Variants in FRAS1 observed in about 807,000 individuals in gnomAD.
FRAS1 encodes Fraser extracellular matrix complex subunit 1.
In FRAS1, 290 loss-of-function variants were observed where a neutral mutation model predicts 435.2. That is an observed-to-expected ratio of 0.67 (90% CI 0.61 to 0.73). The LOEUF is 0.73. FRAS1 is among the 30% of genes least tolerant of loss of function. The probability of loss-of-function intolerance (pLI) is 0.00; values close to 1 mark genes in which losing one functional copy is unlikely to be tolerated. For missense variants in FRAS1, 4,860 were observed against 5,001.5 expected (o/e 0.97, Z 0.85); for synonymous variants, 1,800 against 1,851.0 (o/e 0.97, Z 0.71).
In FRAS1 at chr4:78,206,502, A is replaced by G. The variant is rs553838929; in HGVS notation, c.109-31008A>G. Among the ~76,000 whole-genome samples, 78 of 152,174 alleles carry G rather than the reference A, an allele frequency of 5.1e-4. 1 individual carries two copies. Among genetic ancestry groups the G allele is most frequent in the Non-Finnish European group, 1.0e-3 (71 of 68,044 alleles). The stretch of plus-strand genomic sequence containing the variant: ...TTTCAGCCACTGCATTTGTGGTAAT[A>G]TATTACAGCTGCCTTAGGAAACAAC... On this transcript the variant is annotated intron_variant, in intron 2 of 73. Transcript: ENST00000512123.
intron 37 of FRAS1, among the ~76,000 whole-genome samples, chr4:78,431,328 G>A (rs1310530904): frequency 1.3e-5 from 2 of 152,184 alleles, no homozygotes; most frequent in African/African-American, 4.8e-5. Context: ...GAACATAACA[G>A]TCATTGTCTA....
At chr4:78,258,825 T>C (rs1265507024) in intron 6 of FRAS1, among the ~76,000 whole-genome samples, 1 of 137,550 alleles carries the variant, frequency 7.3e-6, no homozygotes, top group Admixed American at 7.2e-5. Flanking sequence ...CATCTAGCAT[T>C]AGGTATATCT....
chr4:78,068,398 A>C lies in FRAS1; in HGVS notation c.108+2382A>C, dbSNP rs144401142. Among the ~76,000 whole-genome samples, 806 of 152,308 alleles carry C rather than the reference A, an allele frequency of 5.3e-3. 7 individuals carry two copies. The highest frequency in any genetic ancestry group is 0.019 in the African/African-American group (770 of 41,568). On this transcript the variant is annotated intron_variant, in intron 2 of 73. Transcript: ENST00000512123. ...GCCTGGTGGATACCCAAGGGGAGAGAATTCCAGAGATAGGGAGCAGAAATG... is the reference window on the plus strand; with the variant it reads ...GCCTGGTGGATACCCAAGGGGAGAGCATTCCAGAGATAGGGAGCAGAAATG...
chr4:78,289,919 G>T (rs140524513), intron 14 of FRAS1, among the ~76,000 whole-genome samples: 1 of 152,246 alleles, frequency 6.6e-6, no homozygotes, highest in Non-Finnish European at 1.5e-5. Context: ...TCCCTCACCA[G>T]AACAGTGGTT....
chr4:78,540,695 T>C lies in FRAS1; in HGVS notation c.11610T>C (p.Tyr3870=). The C allele has an allele frequency of 6.2e-7, 1 of 1,613,814 alleles. No homozygotes were observed. The part of the protein sequence containing the change: ...GQLILDDSLI[Y]DNEGDQVKNG... ...TGATCCTTGATGATTCCCTCATCTA[T>C]GACAATGAAGGAGACCAAGTCAAGA... Residue 3870 remains tyrosine, a synonymous_variant, in exon 74 of 74, where the codon TAT becomes TAC. Coordinates refer to ENST00000512123, the MANE Select transcript of FRAS1 (RefSeq NM_025074.7).
At chr4:78,068,477 G>A (rs908715885) in intron 2 of FRAS1, 5 of 455,422 alleles carry the variant, frequency 1.1e-5, no homozygotes, top group African/African-American at 6.0e-5. Flanking sequence ...ATGGAGGATG[G>A]CAAGAGATAG....
chr4:78,464,168 T>C (rs1271656778), intron 48 of FRAS1, 23 bp downstream of exon 48: 1 of 1,595,092 alleles, frequency 6.3e-7, no homozygotes, highest in Non-Finnish European at 8.5e-7. Flanking sequence ...CTGAACTCCA[T>C]CCTTGAAAAG....
chr4:78,477,521 T>C (rs1196441895), intron 54 of FRAS1, among the ~76,000 whole-genome samples: 2 of 152,170 alleles, frequency 1.3e-5, no homozygotes, highest in Non-Finnish European at 2.9e-5. Context: ...AGTGAGATAA[T>C]AAGACAGGCT....
At chr4:78,337,883 C>G in intron 20 of FRAS1, 66 bp downstream of exon 20, 1 of 1,519,012 alleles carries the variant, frequency 6.6e-7, no homozygotes. Flanking sequence ...TCATACCAGG[C>G]TTAAGGGGGC....
intron 61 of FRAS1, among the ~76,000 whole-genome samples, chr4:78,502,170 C>G (rs897479754): frequency 6.6e-6 from 1 of 152,140 alleles, no homozygotes; most frequent in African/African-American, 2.4e-5. Context: ...CAGCTTTGTT[C>G]TTTTTGCTTA....
At chr4:78,287,044 G>T (rs1333775372) in intron 14 of FRAS1, among the ~76,000 whole-genome samples, 4 of 152,170 alleles carry the variant, frequency 2.6e-5, no homozygotes, top group Non-Finnish European at 5.9e-5. Flanking sequence ...AAGAAAAGAG[G>T]TTTCATTGAC....
Position 78,448,122 on chromosome 4 carries a change from C to T in FRAS1, c.6080C>T (p.Thr2027Ile), listed in dbSNP as rs1718909285. 6.2e-7 allele frequency: 1 copy of T among 1,613,646 alleles called. No homozygotes were observed. The highest frequency in any genetic ancestry group is 1.1e-5 in the South Asian group (1 of 91,002). The stretch of plus-strand genomic sequence containing the variant: ...GGGAGAGTTTTAGTCCAGGGCTCAA[C>T]CTTCACCTACCAGGATATCCTAGCT... ...ENGRVLVQGS[T>I]FTYQDILAGL... Residue 2027 changes from threonine to isoleucine, a missense_variant, in exon 44 of 74, where the codon ACC becomes ATC. Coordinates refer to ENST00000512123, the MANE Select transcript of FRAS1 (RefSeq NM_025074.7).
At chr4:78,134,701 A>G (rs920294229) in intron 2 of FRAS1, among the ~76,000 whole-genome samples, 4 of 152,338 alleles carry the variant, frequency 2.6e-5, no homozygotes, top group Non-Finnish European at 1.5e-5. Context: ...ATCAATTATA[A>G]TATCATATTG....
intron 14 of FRAS1, among the ~76,000 whole-genome samples, chr4:78,295,462 GT>G (rs933464639): frequency 1.6e-4 from 24 of 152,122 alleles, no homozygotes; most frequent in Non-Finnish European, 2.9e-4. Context: ...ATGAAATCTT[GT>G]TTAATTTTTA....
At chr4:78,247,625 T>G (rs1411701658) in intron 4 of FRAS1, among the ~76,000 whole-genome samples, 1 of 152,166 alleles carries the variant, frequency 6.6e-6, no homozygotes, top group African/African-American at 2.4e-5. Flanking sequence ...CTGGTCTGGG[T>G]CTCACCTCAT....
chr4:78,312,185 T>TATATATATATATATATAC (rs1196377143), intron 15 of FRAS1, among the ~76,000 whole-genome samples: 38 of 147,878 alleles, frequency 2.6e-4, no homozygotes, highest in African/African-American at 8.9e-4. Context: ...AGTCCATATA[T>TATATATATATATATATAC]ATATATATAT....
At chr4:78,070,224 T>C (rs922715386) in intron 2 of FRAS1, among the ~76,000 whole-genome samples, 33 of 145,290 alleles carry the variant, frequency 2.3e-4, no homozygotes, top group Non-Finnish European at 4.2e-4. Flanking sequence ...GTACTATATA[T>C]GTTTATATAT....
chr4:78,354,792 C>G (rs1730786832), intron 20 of FRAS1, among the ~76,000 whole-genome samples: 1 of 152,204 alleles, frequency 6.6e-6, no homozygotes, highest in Admixed American at 6.5e-5. Flanking sequence ...TAAGGAGTCA[C>G]TGCTCCATAA....
chr4:78,183,622 C>T (rs1423098434), intron 2 of FRAS1, among the ~76,000 whole-genome samples: 1 of 152,038 alleles, frequency 6.6e-6, no homozygotes, highest in Non-Finnish European at 1.5e-5. Flanking sequence ...TGTCTTCTAC[C>T]AACTGGGCTA....
Sources: gnomAD v4.1 joint callset for allele counts (sites outside exome capture counted in the v4.1 genomes callset) on GRCh38, gnomAD v4.1.1 for gene constraint, MANE v1.5 for transcripts, NCBI Gene and HGNC (gene_info 2026-07-23, HGNC 2026-07-21) for gene names.